Variants in HIVEP2 observed in about 807,000 individuals in gnomAD.
The protein encoded by HIVEP2 is HIVEP zinc finger 2.
A neutral mutation model predicts 180.7 loss-of-function variants in HIVEP2; 14 were observed. The ratio of observed to expected loss-of-function variants is 0.08; its 90% CI spans 0.05 to 0.12. The LOEUF (loss-of-function observed/expected upper bound fraction) is 0.12. HIVEP2 is among the 10% of genes least tolerant of loss of function. The pLI is 1.00. For synonymous variants in HIVEP2, 1,184 were observed against 1,136.4 expected, an observed-to-expected ratio of 1.04 and a Z score of -0.84; for missense variants, 2,579 against 3,008.5, an observed-to-expected ratio of 0.86 and a Z score of 3.34.
rs144231140 is a variant in HIVEP2, at chr6:142,896,433, C to T, written c.-641+48666G>A. Reference sequence around the variant, plus strand: ...CACTCAATTTGGTTCACTGGTTTTTCGGTCCCTATGTAATCTAGAGGGGCT... The same window carrying T: ...CACTCAATTTGGTTCACTGGTTTTTTGGTCCCTATGTAATCTAGAGGGGCT... On this transcript the variant is annotated intron_variant, in intron 1 of 9. Transcript: ENST00000367603. Among the ~76,000 whole-genome samples, 714 of 152,208 alleles carry T rather than the reference C, an allele frequency of 4.7e-3. 10 individuals carry two copies. Among genetic ancestry groups the T allele is most frequent in the South Asian group, 0.025 (119 of 4,824 alleles).
chr6:142,864,628 G>C (rs1776089968), intron 1 of HIVEP2, among the ~76,000 whole-genome samples: 2 of 152,276 alleles, frequency 1.3e-5, no homozygotes, highest in East Asian at 3.9e-4. Flanking sequence ...CTAATAACTT[G>C]AAGCTATATA....
At chr6:142,814,442 G>A (rs1038021891) in intron 2 of HIVEP2, among the ~76,000 whole-genome samples, 79 of 152,178 alleles carry the variant, frequency 5.2e-4, no homozygotes, top group African/African-American at 1.9e-3. Context: ...CATCAGTCAA[G>A]AGTTGACTGC....
In HIVEP2 at chr6:142,752,474, A is replaced by G. The variant is rs1288897211; in HGVS notation, c.*633T>C. The G allele has an allele frequency of 2.0e-5, 3 of 152,822 alleles. No individual in the cohort carries two copies. Among genetic ancestry groups the G allele is most frequent in the Middle Eastern group, 3.4e-3 (1 of 294 alleles). 9.5% of individuals were successfully genotyped at this position (152,822 alleles called of 1,614,324 possible). On this transcript the variant is annotated 3_prime_UTR_variant, in exon 10 of 10. Coordinates refer to ENST00000367603, the MANE Select transcript of HIVEP2 (RefSeq NM_006734.4). ...TCCTTTATCTTTTTTTAACTAATGCATAAGTGCAGAATAAGATACTCTAGT... is the reference window on the plus strand; with the variant it reads ...TCCTTTATCTTTTTTTAACTAATGCGTAAGTGCAGAATAAGATACTCTAGT...
chr6:142,776,885 A>G (rs551167073), intron 3 of HIVEP2, among the ~76,000 whole-genome samples: 1 of 152,306 alleles, frequency 6.6e-6, no homozygotes, highest in East Asian at 1.9e-4. Flanking sequence ...GTTTAAAAGA[A>G]TAAATTTCCC....
intron 2 of HIVEP2, among the ~76,000 whole-genome samples, chr6:142,806,026 T>C (rs1245622646): frequency 1.3e-5 from 2 of 152,144 alleles, no homozygotes; most frequent in Admixed American, 1.3e-4. Flanking sequence ...CATCTACACA[T>C]TAACTAACAT....
chr6:142,868,513 A>G (rs1440108372), intron 1 of HIVEP2, among the ~76,000 whole-genome samples: 2 of 152,172 alleles, frequency 1.3e-5, no homozygotes, highest in Non-Finnish European at 2.9e-5. Context: ...GGACTTCTGA[A>G]ATCTAACTCT....
intron 1 of HIVEP2, among the ~76,000 whole-genome samples, chr6:142,895,254 T>C (rs1402844392): frequency 1.3e-5 from 2 of 152,214 alleles, no homozygotes; most frequent in African/African-American, 2.4e-5. Context: ...CTATCTAGCA[T>C]CCACTGAAAT....
chr6:142,772,903 G>A lies in HIVEP2; in HGVS notation c.1836C>T (p.Gly612=), dbSNP rs1157036602. ...QEGHVEVEHH[G]RMLKGISSSS... ...AACTGCTGATACCCTTCAACATCCT[G>A]CCATGGTGCTCGACTTCCACGTGGC... The change falls in exon 5 of 10, where the codon GGC becomes GGT. Residue 612 remains glycine, a synonymous_variant. Coordinates refer to ENST00000367603, the MANE Select transcript of HIVEP2 (RefSeq NM_006734.4). The surrounding 1 kb of genome is among the most constrained non-coding windows in gnomAD (Gnocchi z 4.9). The A allele has an allele frequency of 4.3e-6, 7 of 1,614,002 alleles. No homozygotes were observed. The highest frequency in any genetic ancestry group is 5.9e-6 in the Non-Finnish European group (7 of 1,180,036).
chr6:142,832,059 G>C (rs923153783), intron 2 of HIVEP2, among the ~76,000 whole-genome samples: 3 of 151,960 alleles, frequency 2.0e-5, no homozygotes, highest in Admixed American at 6.6e-5. Flanking sequence ...TGGGCATGGT[G>C]GTGGGTGCCT....
chr6:142,777,739 T>C (rs197505), intron 3 of HIVEP2, among the ~76,000 whole-genome samples: 105,847 of 149,544 alleles, frequency 0.71, 38,120 homozygotes, highest in African/African-American at 0.84. Context: ...TTACCTTCCA[T>C]CTCATGACTT....
chr6:142,876,235 GAT>G (rs1776433607), intron 1 of HIVEP2, among the ~76,000 whole-genome samples: 1 of 152,130 alleles, frequency 6.6e-6, no homozygotes, highest in African/African-American at 2.4e-5. Context: ...AGTTAGTAAA[GAT>G]AAATTTGAGG....
At chr6:142,864,044 T>C (rs780451679) in intron 1 of HIVEP2, among the ~76,000 whole-genome samples, 11 of 152,186 alleles carry the variant, frequency 7.2e-5, no homozygotes, top group Admixed American at 3.9e-4. Context: ...TGATTTACCT[T>C]TGCCCCTACC....
intron 2 of HIVEP2, among the ~76,000 whole-genome samples, chr6:142,808,211 A>G (rs1776600108): frequency 6.6e-6 from 1 of 152,214 alleles, no homozygotes; most frequent in African/African-American, 2.4e-5. Context: ...TATGATCTGT[A>G]TCATGATCTA....
chr6:142,934,782 T>C (rs1778015145), intron 1 of HIVEP2, among the ~76,000 whole-genome samples: 1 of 152,192 alleles, frequency 6.6e-6, no homozygotes, highest in Admixed American at 6.5e-5. Flanking sequence ...CTTTCACCAC[T>C]TGCTTTGCAT....
At position 142,753,797 on chromosome 6, in the gene HIVEP2, G is replaced by A. The variant is rs574291625; in HGVS notation, c.6651C>T (p.His2217=). The stretch of plus-strand genomic sequence containing the variant: ...TAGGGGCTCGCACTTGTTGCTGAGA[G>A]TGGAGTGGAAGATGACTGAAGACAT... ...NDYVFSHLPL[H]SQQQVRAPIP... The change falls in exon 10 of 10, where the codon CAC becomes CAT. Residue 2217 remains histidine (H), a synonymous_variant. Coordinates refer to ENST00000367603, the MANE Select transcript of HIVEP2 (RefSeq NM_006734.4). The A allele has an allele frequency of 1.6e-4, 253 of 1,614,190 alleles. 6 individuals are homozygous for A. The South Asian group carries it at 2.6e-3, about 17-fold the overall frequency.
In HIVEP2 at chr6:142,774,883, C is replaced by A. The variant is rs1209489406; in HGVS notation, c.-145G>T. On this transcript the variant is annotated 5_prime_UTR_variant, in exon 5 of 10. Transcript: ENST00000367603. The surrounding 1 kb of genome is among the most constrained non-coding windows in gnomAD (Gnocchi z 5.1). ...TGCTGATTGCTCCTTCTCTTTGGAACCTTCCACACGCACACCACAGTCGAT... is the reference window on the plus strand; with the variant it reads ...TGCTGATTGCTCCTTCTCTTTGGAAACTTCCACACGCACACCACAGTCGAT... 4 of 1,502,710 alleles carry A rather than the reference C, an allele frequency of 2.7e-6. No homozygotes were observed. The highest frequency in any genetic ancestry group is 2.3e-5 in the East Asian group (1 of 44,082). 93.1% of individuals were successfully genotyped at this position (1,502,710 alleles called of 1,614,324 possible).
rs780954578 is a variant in HIVEP2 at position 142,770,917 on chromosome 6, C to T, written c.3822G>A (p.Thr1274=). 15 of 1,614,196 alleles carry T rather than the reference C, an allele frequency of 9.3e-6. No homozygotes were observed. The highest frequency in any genetic ancestry group is 8.8e-5 in the South Asian group (8 of 91,090). Residue 1274 remains threonine (T), a synonymous_variant, in exon 5 of 10, where the codon ACG becomes ACA. Coordinates refer to ENST00000367603, the MANE Select transcript of HIVEP2 (RefSeq NM_006734.4). This position sits in a 1 kb window ranked among gnomAD's most constrained non-coding sequence, Gnocchi z 4.7. The part of the protein sequence containing the change: ...TGKKPAEYAH[T]KEQTYPCYSG... ...AATAACATGGGTAGGTCTGCTCTTT[C>T]GTGTGTGCATACTCAGCAGGTTTCT...
chr6:142,820,911 A>C (rs1185537499), intron 2 of HIVEP2, among the ~76,000 whole-genome samples: 2 of 152,212 alleles, frequency 1.3e-5, no homozygotes, highest in Non-Finnish European at 2.9e-5. Flanking sequence ...ACTTTTAACT[A>C]GTTGGCAAAG....
chr6:142,889,105 G>T (rs1246093353), intron 1 of HIVEP2, among the ~76,000 whole-genome samples: 1 of 152,144 alleles, frequency 6.6e-6, no homozygotes, highest in Non-Finnish European at 1.5e-5. Context: ...TGCATCTCCA[G>T]CTCTCAGCAG....
Sources: allele counts gnomAD v4.1 joint callset (sites outside exome capture counted in the v4.1 genomes callset), GRCh38; gene constraint gnomAD v4.1.1; non-coding constraint Gnocchi (gnomAD v3.1); transcripts MANE v1.5; gene names NCBI Gene and HGNC (gene_info 2026-07-23, HGNC 2026-07-21).